KANK1: variants seen among roughly 807,000 people sequenced by gnomAD.
The protein encoded by KANK1 is KN motif and ankyrin repeat domain-containing protein 1.
A neutral mutation model predicts 106.2 loss-of-function variants in KANK1; 109 were observed. The observed-to-expected ratio is 1.03, with a 90% CI of 0.88 to 1.20. The LOEUF is 1.20. KANK1 is among the 50% of genes most tolerant of loss of function. The pLI is 0.00. For missense variants in KANK1, 2,399 were observed against 1,710.7 expected (o/e 1.40, Z -7.10); for synonymous variants, 873 against 652.2 (o/e 1.34, Z -5.16).
At chr9:661,784 C>G (rs1279589432) in intron 1 of KANK1, among the ~76,000 whole-genome samples, 3 of 152,076 alleles carry the variant, frequency 2.0e-5, no homozygotes, top group Non-Finnish European at 2.9e-5. Flanking sequence ...TCTTTAGCAC[C>G]TGTTGTTCCC....
At chr9:695,181 C>A (rs1253049643) in intron 2 of KANK1, among the ~76,000 whole-genome samples, 2 of 152,096 alleles carry the variant, frequency 1.3e-5, no homozygotes. Context: ...CCATTCAGGA[C>A]GACTACCCTG....
Position 715,541 on chromosome 9 carries a change from G to A in KANK1, c.2698+2077G>A, listed in dbSNP as rs572338393. 9.1e-4 allele frequency among the ~76,000 whole-genome samples: 138 copies of A among 152,308 alleles called. 3 individuals carry two copies. Among genetic ancestry groups the A allele is most frequent in the African/African-American group, 3.1e-3 (127 of 41,554 alleles). ...CAGGGAGCAAGTTCGGTCTGGCTGT[G>A]TGACAGTGTTTTTTGGTCTATTTCC... On this transcript the variant is annotated intron_variant, in intron 3 of 11. Transcript: ENST00000382297.
chr9:569,906 T>G (rs903223), intron 1 of KANK1, among the ~76,000 whole-genome samples: 40,630 of 151,958 alleles, frequency 0.27, 5,784 homozygotes, highest in East Asian at 0.56. Context: ...TTCTCAACCT[T>G]CATCAGATTC....
intron 2 of KANK1, chr9:706,821 A>G (rs1156397122): frequency 1.0e-6 from 1 of 985,286 alleles, no homozygotes; most frequent in African/African-American, 1.7e-5. Flanking sequence ...GTGCCTCTGC[A>G]CCTCCTCAGG....
chr9:474,339 C>G (rs185884843), intron 3 of KANK1, among the ~76,000 whole-genome samples: 3 of 152,304 alleles, frequency 2.0e-5, no homozygotes, highest in South Asian at 2.1e-4. Flanking sequence ...GTCAAAGATG[C>G]TGAAGTTCAA....
chr9:517,640 G>C lies in KANK1; in HGVS notation c.-84+12886G>C, dbSNP rs1437388393. Among the ~76,000 whole-genome samples, 3 of 151,488 alleles carry C rather than the reference G, an allele frequency of 2.0e-5. 1 individual carries two copies. Among genetic ancestry groups the C allele is most frequent in the African/African-American group, 4.9e-5 (2 of 40,892 alleles). ...AGCATCTCTTCCTGAGAAAGAGTGGGGATAATATGTCTGGGCTCAATTCTG... is the reference window on the plus strand; with the variant it reads ...AGCATCTCTTCCTGAGAAAGAGTGGCGATAATATGTCTGGGCTCAATTCTG... On this transcript the variant is annotated intron_variant, in intron 1 of 11. Transcript: ENST00000382297.
chr9:517,866 G>A (rs916408746), intron 1 of KANK1, among the ~76,000 whole-genome samples: 5 of 150,840 alleles, frequency 3.3e-5, no homozygotes, highest in African/African-American at 1.2e-4. Context: ...AGCCTCCCAA[G>A]TAGCTGGAAT....
intron 6 of KANK1, 200 bp from the exon 7 acceptor site, chr9:734,548 C>A (rs1016364556): frequency 1.1e-5 from 5 of 452,838 alleles, no homozygotes; most frequent in Admixed American, 6.8e-5. Flanking sequence ...CACCTGTAGT[C>A]CCAGCTACTA....
intron 1 of KANK1, among the ~76,000 whole-genome samples, chr9:666,897 T>C (rs1490800658): frequency 7.1e-6 from 1 of 140,970 alleles, no homozygotes; most frequent in Non-Finnish European, 1.5e-5. Flanking sequence ...TAGCCTATTG[T>C]TGTCTTTTTT....
chr9:606,787 A>G (rs1320268114), intron 1 of KANK1, among the ~76,000 whole-genome samples: 2 of 151,584 alleles, frequency 1.3e-5, no homozygotes, highest in East Asian at 3.9e-4. Flanking sequence ...AAGCTCTTGA[A>G]ATGTTTTCAT....
chr9:566,720 A>C (rs1351442212), intron 1 of KANK1, among the ~76,000 whole-genome samples: 2 of 151,746 alleles, frequency 1.3e-5, no homozygotes, highest in African/African-American at 4.8e-5. Flanking sequence ...TTTTCTTATA[A>C]ATTTAAGTTC....
intron 2 of KANK1, among the ~76,000 whole-genome samples, chr9:697,182 A>G (rs946632689): frequency 6.6e-6 from 1 of 151,688 alleles, no homozygotes; most frequent in South Asian, 2.1e-4. Flanking sequence ...CCTTTTTTTC[A>G]TGGCCATGAT....
chr9:730,701 G>A (rs113537718), intron 4 of KANK1: 7 of 190,690 alleles, frequency 3.7e-5, no homozygotes, highest in South Asian at 3.0e-4. Context: ...TCAAAATTAC[G>A]AAAGAAAGCT....
intron 1 of KANK1, among the ~76,000 whole-genome samples, chr9:626,798 A>G (rs1043450619): frequency 2.6e-5 from 4 of 152,236 alleles, no homozygotes; most frequent in African/African-American, 9.6e-5. Flanking sequence ...CAGACCTGCA[A>G]AACTAGGATA....
chr9:664,811 CT>C (rs1287607344), intron 1 of KANK1, among the ~76,000 whole-genome samples: 1 of 152,092 alleles, frequency 6.6e-6, no homozygotes. Flanking sequence ...GAGGATTTTT[CT>C]TTCTCTGCAT....
intron 3 of KANK1, chr9:478,119 A>G (rs763365542): frequency 4.7e-6 from 1 of 213,392 alleles, no homozygotes; most frequent in Non-Finnish European, 9.4e-6. Flanking sequence ...TCAAGGAACC[A>G]GAGACAGAAA....
At chr9:595,610 C>G (rs1826020347) in intron 1 of KANK1, among the ~76,000 whole-genome samples, 1 of 151,858 alleles carries the variant, frequency 6.6e-6, no homozygotes, top group African/African-American at 2.4e-5. Flanking sequence ...ACTGAAGCCT[C>G]AAATTCCTGG....
rs138532385 is a variant in KANK1 at position 507,701 on chromosome 9, C to T, written c.-84+2947C>T. On this transcript the variant is annotated intron_variant, in intron 1 of 11. Transcript: ENST00000382297. Reference sequence around the variant, plus strand: ...CCTCCCGAGTAGCTGGGACTACAGGCACCGTGTCACCACACCCAGCTAATT... The same window carrying T: ...CCTCCCGAGTAGCTGGGACTACAGGTACCGTGTCACCACACCCAGCTAATT... Among the ~76,000 whole-genome samples, 535 of 152,020 alleles carry T rather than the reference C, an allele frequency of 3.5e-3. 3 individuals are homozygous for T. The highest frequency in any genetic ancestry group is 0.012 in the African/African-American group (513 of 41,482).
intron 1 of KANK1, among the ~76,000 whole-genome samples, chr9:629,529 C>G (rs1298872691): frequency 6.6e-6 from 1 of 152,188 alleles, no homozygotes; most frequent in Non-Finnish European, 1.5e-5. Flanking sequence ...GATTCAGTAA[C>G]TTAACTATTC....
Sources: gnomAD v4.1 joint callset for allele counts (sites outside exome capture counted in the v4.1 genomes callset) on GRCh38, gnomAD v4.1.1 for gene constraint, MANE v1.5 for transcripts, NCBI Gene and HGNC (gene_info 2026-07-23, HGNC 2026-07-21) for gene names.